EPHA6: variants seen among roughly 807,000 people sequenced by gnomAD.
EPHA6 encodes the protein ephrin type-A receptor 6.
In EPHA6, 50 loss-of-function variants were observed where a neutral mutation model predicts 112.0. That is an observed-to-expected ratio of 0.45 (90% CI 0.36 to 0.56). The LOEUF (loss-of-function observed/expected upper bound fraction) is 0.56, where lower values mean the gene tolerates loss of function less well. Ranked by LOEUF, EPHA6 falls within the 20% of genes least tolerant of loss-of-function variation. The pLI, the probability that EPHA6 is intolerant of heterozygous loss-of-function variation, is 0.00. For missense variants in EPHA6, 1,280 were observed against 1,417.4 expected, an observed-to-expected ratio of 0.90 and a Z score of 1.56; for synonymous variants, 529 against 490.7, an observed-to-expected ratio of 1.08 and a Z score of -1.03.
At chr3:97,117,858 T>C (rs1295373442) in intron 3 of EPHA6, among the ~76,000 whole-genome samples, 1 of 151,844 alleles carries the variant, frequency 6.6e-6, no homozygotes, top group African/African-American at 2.4e-5. Context: ...AATTATTTTA[T>C]TCTTAAAAAA....
At chr3:97,359,772 AT>A (rs1174687943) in intron 5 of EPHA6, among the ~76,000 whole-genome samples, 1 of 151,386 alleles carries the variant, frequency 6.6e-6, no homozygotes, top group Non-Finnish European at 1.5e-5. Context: ...TTTGGGTTTT[AT>A]TTTTTTTATT....
At chr3:97,276,873 C>G (rs1183993269) in intron 5 of EPHA6, among the ~76,000 whole-genome samples, 1 of 152,116 alleles carries the variant, frequency 6.6e-6, no homozygotes, top group Non-Finnish European at 1.5e-5. Context: ...CTTGACTATG[C>G]CTTTAGCTCC....
intron 4 of EPHA6, among the ~76,000 whole-genome samples, chr3:97,232,065 A>G (rs78247844): frequency 0.016 from 2,471 of 152,244 alleles, 30 homozygotes; most frequent in Middle Eastern, 0.075. Context: ...GAGGCCCTGC[A>G]GTTTCCTCTA....
chr3:97,641,397 G>A (rs1406791508), intron 14 of EPHA6, among the ~76,000 whole-genome samples: 2 of 152,200 alleles, frequency 1.3e-5, no homozygotes, highest in Admixed American at 6.5e-5. Context: ...ATAAAATACA[G>A]AGGAAGAATG....
intron 4 of EPHA6, 136 bp downstream of exon 4, chr3:97,226,555 A>G (rs2078362242): frequency 1.2e-6 from 1 of 805,130 alleles, no homozygotes; most frequent in Non-Finnish European, 1.9e-6. Flanking sequence ...GTCAAGGAAA[A>G]AGCTTCTCTC....
At chr3:97,219,370 A>C (rs1335201994) in intron 3 of EPHA6, among the ~76,000 whole-genome samples, 1 of 152,150 alleles carries the variant, frequency 6.6e-6, no homozygotes, top group Non-Finnish European at 1.5e-5. Context: ...CATATAATGA[A>C]ATATTATAAT....
chr3:97,002,028 A>G (rs950063616), intron 3 of EPHA6, among the ~76,000 whole-genome samples: 21 of 152,082 alleles, frequency 1.4e-4, no homozygotes, highest in African/African-American at 4.3e-4. Flanking sequence ...TTTAAAATAA[A>G]TGACTAATAT....
At chr3:97,448,863 T>C in intron 7 of EPHA6, 133 bp downstream of exon 7, 1 of 758,072 alleles carries the variant, frequency 1.3e-6, no homozygotes, top group South Asian at 1.7e-5. Context: ...TAAATACTCA[T>C]ACAGTCATTT....
chr3:97,631,539 G>C, intron 13 of EPHA6, among the ~76,000 whole-genome samples: 1 of 151,874 alleles, frequency 6.6e-6, no homozygotes, highest in East Asian at 1.9e-4. Flanking sequence ...CATAGTTAGT[G>C]AACCAAAAAG....
intron 7 of EPHA6, among the ~76,000 whole-genome samples, chr3:97,471,644 A>G (rs548284853): frequency 1.3e-5 from 2 of 151,630 alleles, no homozygotes; most frequent in African/African-American, 4.8e-5. Flanking sequence ...TGTTGGGTAC[A>G]CTCTCTTCAC....
At chr3:97,728,224 A>C (rs1441897204) in intron 15 of EPHA6, among the ~76,000 whole-genome samples, 1 of 149,038 alleles carries the variant, frequency 6.7e-6, no homozygotes, top group East Asian at 2.0e-4. Flanking sequence ...GTTGTCTACT[A>C]TCTTTCTAAA....
chr3:97,464,862 G>T (rs1162389430), intron 7 of EPHA6, among the ~76,000 whole-genome samples: 1 of 152,082 alleles, frequency 6.6e-6, no homozygotes, highest in Non-Finnish European at 1.5e-5. Flanking sequence ...ATTGCCTTTT[G>T]TCTGCCAAAG....
chr3:97,350,832 A>AAT (rs2083776330), intron 5 of EPHA6, among the ~76,000 whole-genome samples: 4 of 152,006 alleles, frequency 2.6e-5, no homozygotes, highest in Admixed American at 2.6e-4. Flanking sequence ...AAGAAAAAAA[A>AAT]ATATATATAA....
chr3:97,687,410 C>G (rs1407471882), intron 14 of EPHA6, among the ~76,000 whole-genome samples: 2 of 152,042 alleles, frequency 1.3e-5, no homozygotes, highest in Non-Finnish European at 2.9e-5. Flanking sequence ...ATTAAAAATG[C>G]TAGCATTTTG....
At chr3:97,308,673 T>C (rs1472319683) in intron 5 of EPHA6, among the ~76,000 whole-genome samples, 1 of 151,784 alleles carries the variant, frequency 6.6e-6, no homozygotes, top group Non-Finnish European at 1.5e-5. Flanking sequence ...AACAGAAACT[T>C]CATATGCTAA....
chr3:97,522,965 C>T (rs2092566734), intron 10 of EPHA6, among the ~76,000 whole-genome samples: 1 of 151,818 alleles, frequency 6.6e-6, no homozygotes, highest in Non-Finnish European at 1.5e-5. Context: ...GTCAATTTTC[C>T]TTATCTTTTC....
chr3:97,512,346 C>T (rs2092380452), intron 10 of EPHA6, among the ~76,000 whole-genome samples: 2 of 152,128 alleles, frequency 1.3e-5, no homozygotes, highest in African/African-American at 4.8e-5. Flanking sequence ...TATATTAAAA[C>T]TATGCAAAGT....
At chr3:97,228,902 T>C (rs904745840) in intron 4 of EPHA6, among the ~76,000 whole-genome samples, 12 of 152,226 alleles carry the variant, frequency 7.9e-5, no homozygotes, top group African/African-American at 2.9e-4. Context: ...GATTTCTTAA[T>C]TATGGCCATT....
intron 3 of EPHA6, among the ~76,000 whole-genome samples, chr3:97,127,444 G>C (rs1311703256): frequency 6.6e-6 from 1 of 152,080 alleles, no homozygotes; most frequent in Non-Finnish European, 1.5e-5. Flanking sequence ...TCCCGGCTGG[G>C]CACTGTGGCT....
Sources: gnomAD v4.1 joint callset for allele counts (sites outside exome capture counted in the v4.1 genomes callset) on GRCh38, gnomAD v4.1.1 for gene constraint, MANE v1.5 for transcripts, NCBI Gene and HGNC (gene_info 2026-07-23, HGNC 2026-07-21) for gene names.